The following TSEN15 variants were observed in gnomAD, a reference collection of about 807,000 sequenced individuals.
TSEN15 encodes the protein tRNA splicing endonuclease subunit 15.
Under a neutral mutation model 20.5 loss-of-function variants are expected in TSEN15, and 10 were observed. The observed-to-expected ratio is 0.49, with a 90% CI of 0.30 to 0.83. The LOEUF (loss-of-function observed/expected upper bound fraction) is 0.83. Ranked by LOEUF, TSEN15 falls within the 40% of genes least tolerant of loss-of-function variation. The pLI is 0.06. For missense variants in TSEN15, 180 were observed against 218.6 expected (o/e 0.82, Z 1.11); for synonymous variants, 72 against 80.1 (o/e 0.90, Z 0.54).
downstream of TSEN15, among the ~76,000 whole-genome samples, chr1:184,077,461 A>C (rs1230302710): frequency 6.6e-6 from 1 of 152,176 alleles, no homozygotes; most frequent in Non-Finnish European, 1.5e-5. Context: ...TGTTGCTTTC[A>C]TGCTTGTGAA....
downstream of TSEN15, among the ~76,000 whole-genome samples, chr1:184,074,580 G>C (rs1336928827): frequency 6.6e-6 from 1 of 152,122 alleles, no homozygotes; most frequent in African/African-American, 2.4e-5. Context: ...CAGCAAGATG[G>C]ACCTTATAAT....
chr1:184,058,930 G>A (rs73050972), intron 3 of TSEN15, among the ~76,000 whole-genome samples: 2,679 of 151,650 alleles, frequency 0.018, 77 homozygotes, highest in African/African-American at 0.06. Context: ...ACTCTTATGT[G>A]TCAGGCAATG....
downstream of TSEN15, among the ~76,000 whole-genome samples, chr1:184,075,340 A>G (rs1422062123): frequency 2.6e-5 from 4 of 152,124 alleles, no homozygotes; most frequent in Non-Finnish European, 5.9e-5. Context: ...CCAGCTGTGT[A>G]TGTCTCATTT....
Position 184,054,385 on chromosome 1 carries a change from A to G in TSEN15, c.167A>G (p.Asp56Gly), listed in dbSNP as rs1572701035. 3 of 1,608,458 alleles carry G rather than the reference A, an allele frequency of 1.9e-6. No individual in the cohort carries two copies. Among genetic ancestry groups the G allele is most frequent in the East Asian group, 2.2e-5 (1 of 44,786 alleles). Residue 56 changes from aspartate to glycine, a missense_variant, in exon 2 of 5, where the codon GAT becomes GGT. By Grantham distance (94) the Asp-to-Gly change is moderately conservative. Around this residue, in one of 3 missense-constraint regions of TSEN15, gnomAD observed 76 missense variants for 123.4 expected, o/e 0.62. Coordinates refer to ENST00000645668, the MANE Select transcript of TSEN15 (RefSeq NM_052965.4). ...GAAATGATGGAATTAGATATAGGAG[A>G]TGCCACCCAAGTTTATGTAGCGTTC... ...YLEMMELDIG[D>G]ATQVYVAFLV...
At chr1:184,067,941 A>AAAAAATAT (rs1400681024) in intron 3 of TSEN15, among the ~76,000 whole-genome samples, 2 of 95,598 alleles carry the variant, frequency 2.1e-5, no homozygotes, top group Non-Finnish European at 3.9e-5. Flanking sequence ...AAAAAAAAAA[A>AAAAAATAT]ATATATATAT....
chr1:184,060,296 C>T (rs6687766), intron 3 of TSEN15, among the ~76,000 whole-genome samples: 2,949 of 152,306 alleles, frequency 0.019, 92 homozygotes, highest in African/African-American at 0.067. Context: ...AGCTCCCTCT[C>T]GACATGCAAA....
chr1:184,070,566 A>G (rs1204396381), intron 3 of TSEN15: 1 of 885,892 alleles, frequency 1.1e-6, no homozygotes, highest in South Asian at 1.7e-5. Context: ...AAATTAATTC[A>G]AGATGGACAG....
chr1:184,053,223 GAAAA>G, intron 1 of TSEN15, among the ~76,000 whole-genome samples: 1 of 152,100 alleles, frequency 6.6e-6, no homozygotes, highest in African/African-American at 2.4e-5. Flanking sequence ...ATTTTTAAAA[GAAAA>G]AGAACAAGTA....
intron 3 of TSEN15, among the ~76,000 whole-genome samples, chr1:184,081,514 A>G (rs1651167318): frequency 6.6e-6 from 1 of 152,174 alleles, no homozygotes; most frequent in Non-Finnish European, 1.5e-5. Context: ...CTCAAGAAAG[A>G]GGGGAAGTGC....
chr1:184,066,853 G>C (rs1650682886), intron 3 of TSEN15, among the ~76,000 whole-genome samples: 1 of 152,122 alleles, frequency 6.6e-6, no homozygotes, highest in Non-Finnish European at 1.5e-5. Context: ...ATTTTGAATG[G>C]GATTGCACTT....
At chr1:184,075,517 A>C (rs1651042512), downstream of TSEN15, among the ~76,000 whole-genome samples, 1 of 152,102 alleles carries the variant, frequency 6.6e-6, no homozygotes, top group South Asian at 2.1e-4. Flanking sequence ...CCCTCAGTAA[A>C]TACTTGGCAA....
exon 4 of TSEN15, chr1:184,096,509 G>A (rs1351127932): frequency 6.6e-6 from 1 of 152,206 alleles, no homozygotes; most frequent in Non-Finnish European, 1.5e-5. Flanking sequence ...ACTTTTAGAT[G>A]TCCAGCTAAC....
At chr1:184,084,910 A>G (rs1215087731) in intron 3 of TSEN15, among the ~76,000 whole-genome samples, 1 of 152,106 alleles carries the variant, frequency 6.6e-6, no homozygotes, top group Non-Finnish European at 1.5e-5. Flanking sequence ...ATGGGGGGAC[A>G]ATTTTACCCT....
intron 3 of TSEN15, 99 bp downstream of exon 3, chr1:184,054,962 G>C: frequency 1.5e-6 from 2 of 1,355,082 alleles, no homozygotes; most frequent in Non-Finnish European, 2.0e-6. Context: ...TGGGATACAG[G>C]GTTCATAGCT....
chr1:184,064,899 G>A (rs373649724), intron 3 of TSEN15, among the ~76,000 whole-genome samples: 67 of 152,014 alleles, frequency 4.4e-4, no homozygotes, highest in Admixed American at 4.3e-3. Flanking sequence ...CTCCCTAAGC[G>A]GCCTTATCTG....
intron 3 of TSEN15, chr1:184,071,918 T>C (rs1035450676): frequency 2.5e-6 from 1 of 395,902 alleles, no homozygotes; most frequent in African/African-American, 2.1e-5. Flanking sequence ...TGGAAAACTG[T>C]CAACTATTTC....
intron 3 of TSEN15, chr1:184,058,088 AT>A: frequency 2.6e-6 from 1 of 378,172 alleles, no homozygotes; most frequent in East Asian, 8.1e-5. Flanking sequence ...GCAATAGCCT[AT>A]TTTAATCAAA....
Position 184,073,004 on chromosome 1 carries a change from C to T in TSEN15, c.*157C>T. 1.5e-6 allele frequency: 1 copy of T among 657,964 alleles called. No individual in the cohort carries two copies. The highest frequency in any genetic ancestry group is 2.6e-6 in the Non-Finnish European group (1 of 390,928). 40.8% of individuals were successfully genotyped at this position (657,964 alleles called of 1,614,324 possible). On this transcript the variant is annotated 3_prime_UTR_variant, in exon 5 of 5. Coordinates refer to ENST00000645668, the MANE Select transcript of TSEN15 (RefSeq NM_052965.4). ...TTCATTCTGAAGAGTAAAACTTCCC[C>T]AGGTAGAAGACTTTCTCCTTCTTAA...
exon 4 of TSEN15, chr1:184,095,965 G>T: frequency 2.6e-6 from 1 of 381,062 alleles, no homozygotes; most frequent in Non-Finnish European, 4.6e-6. Flanking sequence ...AATAATTATT[G>T]ATAATGGCAC....
Sources: allele counts gnomAD v4.1 joint callset (sites outside exome capture counted in the v4.1 genomes callset), GRCh38; gene constraint gnomAD v4.1.1; regional missense constraint gnomAD v4.1.1; transcripts MANE v1.5; gene names NCBI Gene and HGNC (gene_info 2026-07-23, HGNC 2026-07-21).